Variants in ARL6IP1 observed in about 807,000 individuals in gnomAD.
ARL6IP1 encodes the protein ADP-ribosylation factor-like protein 6-interacting protein 1.
In ARL6IP1, 16 loss-of-function variants were observed where a neutral mutation model predicts 30.1. That is an observed-to-expected ratio of 0.53 (90% CI 0.36 to 0.81). ARL6IP1 has a LOEUF of 0.81. Among genes scored for constraint, ARL6IP1 ranks in the 30% least tolerant of loss-of-function variants. The pLI is 0.01. For synonymous variants in ARL6IP1, 72 were observed against 84.8 expected, an observed-to-expected ratio of 0.85 and a Z score of 0.83; for missense variants, 173 against 242.7, an observed-to-expected ratio of 0.71 and a Z score of 1.91.
At position 18,794,692 on chromosome 16, in the gene ARL6IP1, G is replaced by T; in HGVS notation, c.409-9C>A. Reference sequence around the variant, plus strand: ...ATCATGGTCATGAAGTACTAGCAATGAAAACAAGAATTTAATATCAAAACT... The same window carrying T: ...ATCATGGTCATGAAGTACTAGCAATTAAAACAAGAATTTAATATCAAAACT... On this transcript the variant is annotated splice_polypyrimidine_tract_variant and intron_variant, in intron 4 of 5. Coordinates refer to ENST00000304414, the MANE Select transcript of ARL6IP1 (RefSeq NM_015161.3). 1 of 1,604,306 alleles carries T rather than the reference G, an allele frequency of 6.2e-7. No homozygotes were observed. Among genetic ancestry groups the T allele is most frequent in the South Asian group, 1.1e-5 (1 of 89,694 alleles).
chr16:18,799,637 T>C (rs2030349539), intron 1 of ARL6IP1, among the ~76,000 whole-genome samples: 1 of 152,270 alleles, frequency 6.6e-6, no homozygotes. Context: ...ATTCAATTTC[T>C]AAAATAGCTC....
At chr16:18,793,701 G>A (rs908021465) in intron 5 of ARL6IP1, among the ~76,000 whole-genome samples, 2 of 151,162 alleles carry the variant, frequency 1.3e-5, no homozygotes, top group Non-Finnish European at 2.9e-5. Context: ...AGAGTGCTGG[G>A]ATTACGGGCG....
Position 18,792,677 on chromosome 16 carries a change from C to A in ARL6IP1, c.*575G>T, listed in dbSNP as rs537652307. The A allele has an allele frequency of 1.3e-5, 2 of 152,752 alleles. No individual in the cohort carries two copies. The highest frequency in any genetic ancestry group is 3.9e-4 in the East Asian group (2 of 5,190). 9.5% of individuals were successfully genotyped at this position (152,752 alleles called of 1,614,324 possible). The stretch of plus-strand genomic sequence containing the variant: ...TGCTAAGCTTTGCACAAGGGAGAAG[C>A]CTACATGTACTAGTGCATGGAATCA... On this transcript the variant is annotated 3_prime_UTR_variant, in exon 6 of 6. Transcript: ENST00000304414.
intron 1 of ARL6IP1, 93 bp downstream of exon 1, chr16:18,801,338 G>A (rs2030404401): frequency 1.3e-6 from 2 of 1,566,944 alleles, no homozygotes; most frequent in Middle Eastern, 1.8e-4. Flanking sequence ...GGCCGGGCCC[G>A]CGGCGGGTGA....
chr16:18,799,225 T>C (rs1480372928), intron 1 of ARL6IP1, among the ~76,000 whole-genome samples: 1 of 152,216 alleles, frequency 6.6e-6, no homozygotes, highest in Non-Finnish European at 1.5e-5. Flanking sequence ...TTGGCCAGGC[T>C]GGTCTCAAAC....
rs2030123184 is a variant in ARL6IP1, at chr16:18,793,282, A to T, written c.582T>A (p.Leu194=). The change falls in exon 6 of 6, where the codon CTT becomes CTA. Residue 194 remains leucine, a synonymous_variant. Coordinates refer to ENST00000304414, the MANE Select transcript of ARL6IP1 (RefSeq NM_015161.3). ...CGTTTTTCTTTTCTTTTTGTTTGAG[A>T]AGTTTGTTTATCTCCCTCTTGGCCA... is the stretch of plus-strand genomic sequence containing the variant. ...IGMAKREINK[L]LKQKEKKNE 1 of 1,612,124 alleles carries T rather than the reference A, an allele frequency of 6.2e-7. No homozygotes were observed.
intron 2 of ARL6IP1, 135 bp downstream of exon 2, chr16:18,798,565 GA>G: frequency 1.0e-6 from 1 of 968,572 alleles, no homozygotes; most frequent in African/African-American, 1.7e-5. Context: ...AAGTGCTTAT[GA>G]GAAACATTCT....
At chr16:18,799,659 G>C (rs62046277) in intron 1 of ARL6IP1, among the ~76,000 whole-genome samples, 454 of 152,202 alleles carry the variant, frequency 3.0e-3, no homozygotes, top group Non-Finnish European at 5.3e-3. Flanking sequence ...TTGTGTAATG[G>C]AATCACTCAG....
In ARL6IP1 at chr16:18,798,083, A is replaced by G. The variant is rs568989918; in HGVS notation, c.171-39T>C. On this transcript the variant is annotated intron_variant, in intron 2 of 5. Coordinates refer to ENST00000304414, the MANE Select transcript of ARL6IP1 (RefSeq NM_015161.3). Reference sequence around the variant, plus strand: ...TAATAAAGGTTAGAAAAACATAGTCATTATTATTCCTAACTAAACATGTCT... The same window carrying G: ...TAATAAAGGTTAGAAAAACATAGTCGTTATTATTCCTAACTAAACATGTCT... 1.3e-4 allele frequency: 199 copies of G among 1,532,402 alleles called. 5 individuals are homozygous for G. In the South Asian group the frequency reaches 2.3e-3, roughly 18 times the overall value. 94.9% of individuals were successfully genotyped at this position (1,532,402 alleles called of 1,614,324 possible).
At position 18,793,057 on chromosome 16, in the gene ARL6IP1, C is replaced by T. The variant is rs1397601262; in HGVS notation, c.*195G>A. Reference sequence around the variant, plus strand: ...TGTCCATGAAGCCAACTGCTAAGAACGCGCTCAACTATACGCGACATGAAG... The same window carrying T: ...TGTCCATGAAGCCAACTGCTAAGAATGCGCTCAACTATACGCGACATGAAG... On this transcript the variant is annotated 3_prime_UTR_variant, in exon 6 of 6. Transcript: ENST00000304414. 32 of 440,584 alleles carry T rather than the reference C, an allele frequency of 7.3e-5. No individual in the cohort carries two copies. Among genetic ancestry groups the T allele is most frequent in the Middle Eastern group, 6.1e-4 (1 of 1,640 alleles). The allele number at this position is 440,584 out of a possible 1,614,324, so 27.3% of individuals were successfully genotyped here.
chr16:18,798,080 G>C (rs1012807024), intron 2 of ARL6IP1, 36 bp from the exon 3 acceptor site: 6 of 1,541,782 alleles, frequency 3.9e-6, no homozygotes, highest in Non-Finnish European at 2.6e-6. Context: ...GAAAAACATA[G>C]TCATTATTAT....
Position 18,793,205 on chromosome 16 carries a change from C to T in ARL6IP1, c.*47G>A. On this transcript the variant is annotated 3_prime_UTR_variant, in exon 6 of 6. Coordinates refer to ENST00000304414, the MANE Select transcript of ARL6IP1 (RefSeq NM_015161.3). ...CCAGATAGTACAGCAGAAACGGTTCCCGGGGCAATGGGTGCTGCATTAATC... is the reference window on the plus strand; with the variant it reads ...CCAGATAGTACAGCAGAAACGGTTCTCGGGGCAATGGGTGCTGCATTAATC... 1 of 1,295,252 alleles carries T rather than the reference C, an allele frequency of 7.7e-7. No individual in the cohort carries two copies. Among genetic ancestry groups the T allele is most frequent in the Non-Finnish European group, 1.1e-6 (1 of 904,616 alleles). The allele number at this position is 1,295,252 out of a possible 1,614,324, so 80.2% of individuals were successfully genotyped here.
At chr16:18,798,154 G>C in intron 2 of ARL6IP1, 110 bp from the exon 3 acceptor site, 1 of 1,118,026 alleles carries the variant, frequency 8.9e-7, no homozygotes, top group South Asian at 1.9e-5. Flanking sequence ...AGAGATATTT[G>C]CCATTTTTCT....
At chr16:18,798,222 G>A (rs1389071100) in intron 2 of ARL6IP1, 178 bp from the exon 3 acceptor site, 5 of 562,124 alleles carry the variant, frequency 8.9e-6, no homozygotes, top group Non-Finnish European at 1.5e-5. Context: ...TATCATAGCT[G>A]CAGTGGTTAA....
chr16:18,795,984 G>A (rs1016999036), intron 3 of ARL6IP1, among the ~76,000 whole-genome samples: 7 of 151,998 alleles, frequency 4.6e-5, no homozygotes, highest in Non-Finnish European at 7.4e-5. Context: ...GAATCCCACC[G>A]AACAACTGTA....
Position 18,801,489 on chromosome 16 carries a change from C to G in ARL6IP1, c.-23G>C, listed in dbSNP as rs775284125. On this transcript the variant is annotated 5_prime_UTR_variant, in exon 1 of 6. Coordinates refer to ENST00000304414, the MANE Select transcript of ARL6IP1 (RefSeq NM_015161.3). ...CATCGTCTCGGGGATGCAGTCTCTA[C>G]AAGCGCAGGCCACCTCCCCAACGAG... The G allele has an allele frequency of 6.2e-7, 1 of 1,610,680 alleles. No homozygotes were observed. Among genetic ancestry groups the G allele is most frequent in the Non-Finnish European group, 8.5e-7 (1 of 1,178,878 alleles).
chr16:18,793,220 C>G lies in ARL6IP1; in HGVS notation c.*32G>C. 1 of 1,434,250 alleles carries G rather than the reference C, an allele frequency of 7.0e-7. No homozygotes were observed. Among genetic ancestry groups the G allele is most frequent in the African/African-American group, 1.4e-5 (1 of 70,958 alleles). 88.8% of individuals were successfully genotyped at this position (1,434,250 alleles called of 1,614,324 possible). A position where few individuals can be genotyped will look rare whatever the true frequency, so the allele number is the denominator to read the frequency against. On this transcript the variant is annotated 3_prime_UTR_variant, in exon 6 of 6. Transcript: ENST00000304414. The stretch of plus-strand genomic sequence containing the variant: ...GAAACGGTTCCCGGGGCAATGGGTG[C>G]TGCATTAATCACACTGATTAAAGCA...
At chr16:18,794,833 T>G (rs1396187139) in intron 4 of ARL6IP1, 150 bp from the exon 5 acceptor site, 1 of 542,184 alleles carries the variant, frequency 1.8e-6, no homozygotes, top group East Asian at 3.4e-5. Context: ...ATTCTTAGAT[T>G]TAAAAACCTA....
rs771983951 is a variant in ARL6IP1, at chr16:18,801,486, C to A, written c.-20G>T. 62 of 1,611,280 alleles carry A rather than the reference C, an allele frequency of 3.8e-5. No homozygotes were observed. The highest frequency in any genetic ancestry group is 4.7e-5 in the Non-Finnish European group (56 of 1,179,176). ...CGCCATCGTCTCGGGGATGCAGTCTCTACAAGCGCAGGCCACCTCCCCAAC... is the reference window on the plus strand; with the variant it reads ...CGCCATCGTCTCGGGGATGCAGTCTATACAAGCGCAGGCCACCTCCCCAAC... On this transcript the variant is annotated 5_prime_UTR_variant, in exon 1 of 6. Coordinates refer to ENST00000304414, the MANE Select transcript of ARL6IP1 (RefSeq NM_015161.3).
Sources: allele counts gnomAD v4.1 joint callset (sites outside exome capture counted in the v4.1 genomes callset), GRCh38; gene constraint gnomAD v4.1.1; transcripts MANE v1.5; gene names NCBI Gene and HGNC (gene_info 2026-07-23, HGNC 2026-07-21).